TF: variants seen among roughly 807,000 people sequenced by gnomAD.
The protein encoded by TF is serotransferrin.
Under a neutral mutation model 82.4 loss-of-function variants are expected in TF, and 55 were observed. That is an observed-to-expected ratio of 0.67 (90% confidence interval 0.54 to 0.84). TF has a LOEUF of 0.84. Among genes scored for constraint, TF ranks in the 40% least tolerant of loss-of-function variants. The pLI, the probability that TF is intolerant of heterozygous loss-of-function variation, is 0.00. For missense variants in TF, 737 were observed against 868.4 expected (o/e 0.85, Z 1.90); for synonymous variants, 332 against 332.6 (o/e 1.00, Z 0.02).
At chr3:133,771,588 T>C (rs1934257935) in intron 14 of TF, among the ~76,000 whole-genome samples, 1 of 151,122 alleles carries the variant, frequency 6.6e-6, no homozygotes, top group Non-Finnish European at 1.5e-5. Flanking sequence ...ATACAAAAAA[T>C]TAGCCGGGCG....
In TF at chr3:133,794,083, C is replaced by T. The variant is rs1415154531; in HGVS notation, c.*15463C>T. 1 of 152,118 alleles carries T rather than the reference C, an allele frequency of 6.6e-6. No individual in the cohort carries two copies. The highest frequency in any genetic ancestry group is 1.5e-5 in the Non-Finnish European group (1 of 68,024). The allele number at this position is 152,118 out of a possible 1,614,324, so 9.4% of individuals were successfully genotyped here. A position where few individuals can be genotyped will look rare whatever the true frequency, so the allele number is the denominator to read the frequency against. On this transcript the variant is annotated 3_prime_UTR_variant, in exon 17 of 17. Transcript: ENST00000402696. ...ACCCATCAGTTATCAGTGTTATGCA[C>T]CTAATTTGGGGAAACAACTGGTATT...
At chr3:133,736,631 C>CAAAAAAGAAAA in the TF span, among the ~76,000 whole-genome samples, 7 of 32,562 alleles carry the variant, frequency 2.1e-4, no homozygotes, top group Admixed American at 4.7e-4. Context: ...AATGGAAAGC[C>CAAAAAAGAAAA]AAAAAAAAAA....
Position 133,757,898 on chromosome 3 carries a change from C to G in TF, c.1000C>G (p.Leu334Val). The change falls in exon 8 of 17, where the codon CTG becomes GTG. Residue 334 changes from leucine to valine, a missense_variant. Coordinates refer to ENST00000402696, the MANE Select transcript of TF (RefSeq NM_001063.4). ...VPPRMDAKMY[L>V]GYEYVTAIRN... ...CCCCAGGATGGATGCCAAGATGTAC[C>G]TGGGCTATGAGTATGTCACTGCCAT... 1.9e-6 allele frequency: 3 copies of G among 1,614,222 alleles called. No homozygotes were observed. The highest frequency in any genetic ancestry group is 2.5e-6 in the Non-Finnish European group (3 of 1,180,038).
rs8177319 is a variant in TF at position 133,750,666 on chromosome 3, C to G, written c.216+2082C>G. Among the ~76,000 whole-genome samples the G allele has an allele frequency of 4.7e-3, 717 of 152,200 alleles. 20 individuals are homozygous for G. The highest frequency in any genetic ancestry group is 0.035 in the Admixed American group (533 of 15,268). ...TTAGCTCTTTGGCTCCCTGAGCCCC[C>G]GAGGCACCAGTGATTTCTTGGTGTC... On this transcript the variant is annotated intron_variant, in intron 2 of 16. Coordinates refer to ENST00000402696, the MANE Select transcript of TF (RefSeq NM_001063.4).
At chr3:133,730,008 T>C in the TF span, among the ~76,000 whole-genome samples, 1 of 152,230 alleles carries the variant, frequency 6.6e-6, no homozygotes, top group South Asian at 2.1e-4. Context: ...GGACATTTAT[T>C]GTGGTGTCAT....
chr3:133,722,455 A>G, the TF span, among the ~76,000 whole-genome samples: 1 of 151,746 alleles, frequency 6.6e-6, no homozygotes, highest in Non-Finnish European at 1.5e-5. Flanking sequence ...ATTTTTGTTA[A>G]TTGTTTTCTG....
the TF span, among the ~76,000 whole-genome samples, chr3:133,672,659 G>A: frequency 1.3e-5 from 2 of 150,566 alleles, no homozygotes; most frequent in Admixed American, 6.6e-5. Context: ...CCTAGGAGGT[G>A]GAGCCTTCAC....
chr3:133,751,452 C>T (rs1439214044), intron 2 of TF, among the ~76,000 whole-genome samples: 4 of 151,858 alleles, frequency 2.6e-5, no homozygotes, highest in African/African-American at 4.8e-5. Flanking sequence ...AGTATGGTCT[C>T]GATCTCCTGA....
rs367888376 is a variant in TF at position 133,775,607 on chromosome 3, G to A, written c.1862G>A (p.Arg621His). The change falls in exon 15 of 17, where the codon CGT (arginine) becomes CAT (histidine). Residue 621 changes from arginine (R) to histidine (H), a missense_variant. Transcript: ENST00000402696. Reference sequence around the variant, plus strand: ...GAAGCTTGCGTCCACAAGATATTACGTCAACAGCAGGTATGGACCAGCCAG... The same window carrying A: ...GAAGCTTGCGTCCACAAGATATTACATCAACAGCAGGTATGGACCAGCCAG... ...DKEACVHKIL[R>H]QQQHLFGSNV... is the part of the protein sequence containing the mutation. 1.2e-5 allele frequency: 20 copies of A among 1,613,944 alleles called. No homozygotes were observed. The highest frequency in any genetic ancestry group is 4.0e-5 in the African/African-American group (3 of 74,924).
upstream of TF, among the ~76,000 whole-genome samples, chr3:133,744,288 T>C (rs1933448927): frequency 6.6e-6 from 1 of 152,230 alleles, no homozygotes; most frequent in Admixed American, 6.5e-5. Flanking sequence ...GGAGAATCAC[T>C]GACCATCTTC....
chr3:133,759,402 G>A, intron 9 of TF, 73 bp downstream of exon 9: 2 of 1,588,012 alleles, frequency 1.3e-6, no homozygotes, highest in South Asian at 1.1e-5. Flanking sequence ...CTGAGCTAGG[G>A]AGTGTTCCTG....
Position 133,768,060 on chromosome 3 carries a change from G to A in TF, c.1518G>A (p.Gly506=). 2 of 1,614,160 alleles carry A rather than the reference G, an allele frequency of 1.2e-6. No individual in the cohort carries two copies. Among genetic ancestry groups the A allele is most frequent in the Non-Finnish European group, 1.7e-6 (2 of 1,180,014 alleles). The change falls in exon 13 of 17, where the codon GGG becomes GGA. Residue 506 remains glycine, a synonymous_variant. Transcript: ENST00000402696. ...TTTTCAGTGAAGGTTGTGCCCCTGG[G>A]TCTAAGAAAGACTCCAGTCTCTGTA... ...DEFFSEGCAP[G]SKKDSSLCKL...
chr3:133,732,578 T>G, the TF span, among the ~76,000 whole-genome samples: 110 of 152,350 alleles, frequency 7.2e-4, 1 homozygote, highest in African/African-American at 2.4e-3. Context: ...GAAATCTTGC[T>G]GCTGCGCACT....
At chr3:133,662,106 G>C in the TF span, 5 of 152,290 alleles carry the variant, frequency 3.3e-5, no homozygotes, top group Non-Finnish European at 7.3e-5. Flanking sequence ...GCTTTGCTGG[G>C]CGGGCCTAGT....
intron 9 of TF, among the ~76,000 whole-genome samples, 172 bp downstream of exon 9, chr3:133,759,501 G>A (rs569930143): frequency 6.6e-6 from 1 of 152,306 alleles, no homozygotes; most frequent in Admixed American, 6.5e-5. Context: ...TGAGCTTGTG[G>A]ATCTGAAGGG....
At chr3:133,733,501 G>C in the TF span, among the ~76,000 whole-genome samples, 1 of 152,174 alleles carries the variant, frequency 6.6e-6, no homozygotes, top group Non-Finnish European at 1.5e-5. Flanking sequence ...GAGTGCGCTG[G>C]GCTCCAGGGT....
chr3:133,685,008 G>A, the TF span, among the ~76,000 whole-genome samples: 2 of 152,170 alleles, frequency 1.3e-5, no homozygotes, highest in Non-Finnish European at 1.5e-5. Context: ...TATCCACCAG[G>A]ATCAGGTGGG....
chr3:133,776,602 A>G (rs1279651253), intron 15 of TF, among the ~76,000 whole-genome samples: 2 of 152,208 alleles, frequency 1.3e-5, no homozygotes. Context: ...TTGCCCAAGA[A>G]AGGATTCAAA....
At chr3:133,662,629 T>A in the TF span, among the ~76,000 whole-genome samples, 1 of 152,200 alleles carries the variant, frequency 6.6e-6, no homozygotes, top group Non-Finnish European at 1.5e-5. Flanking sequence ...GGACTGAACC[T>A]AAGATTCAGA....
Sources: gnomAD v4.1 joint callset for allele counts (sites outside exome capture counted in the v4.1 genomes callset) on GRCh38, gnomAD v4.1.1 for gene constraint, MANE v1.5 for transcripts, NCBI Gene and HGNC (gene_info 2026-07-23, HGNC 2026-07-21) for gene names.